LONP2: variants seen among roughly 807,000 people sequenced by gnomAD.
The protein encoded by LONP2 is lon protease homolog 2, peroxisomal.
In LONP2, 60 loss-of-function variants were observed where a neutral mutation model predicts 85.6. That is an observed-to-expected ratio of 0.70 (90% CI 0.57 to 0.87). LONP2 has a LOEUF of 0.87. Ranked by LOEUF, LONP2 falls within the 40% of genes least tolerant of loss-of-function variation. The pLI is 0.00. For missense variants in LONP2, 860 were observed against 1,063.5 expected, an observed-to-expected ratio of 0.81 and a Z score of 2.66; for synonymous variants, 395 against 389.7, an observed-to-expected ratio of 1.01 and a Z score of -0.16.
chr16:48,275,911 CTG>C (rs1030648827), intron 7 of LONP2, among the ~76,000 whole-genome samples: 110 of 152,174 alleles, frequency 7.2e-4, no homozygotes, highest in African/African-American at 2.5e-3. Context: ...TATTTTCTCT[CTG>C]TGACTTCAGG....
chr16:48,252,251 A>G lies in LONP2; in HGVS notation c.354A>G (p.Pro118=), dbSNP rs1242168561. 13 of 1,614,110 alleles carry G rather than the reference A, an allele frequency of 8.1e-6. No individual in the cohort carries two copies. In the African/African-American group the frequency reaches 1.2e-4, roughly 15 times the overall value. ...FQIVQVLKEK[P]YPIAEVEQLD... Reference sequence around the variant, plus strand: ...TTGTACAGGTCTTAAAAGAGAAGCCATATCCCATTGCTGAAGTGGAGCAGT... The same window carrying G: ...TTGTACAGGTCTTAAAAGAGAAGCCGTATCCCATTGCTGAAGTGGAGCAGT... Residue 118 remains proline, a synonymous_variant, in exon 2 of 15, where the codon CCA becomes CCG. Coordinates refer to ENST00000285737, the MANE Select transcript of LONP2 (RefSeq NM_031490.5).
intron 11 of LONP2, among the ~76,000 whole-genome samples, chr16:48,326,371 GA>G (rs1959238540): frequency 6.6e-6 from 1 of 152,150 alleles, no homozygotes; most frequent in Admixed American, 6.6e-5. Flanking sequence ...TGCTGTTTGT[GA>G]AAATGAACAC....
chr16:48,304,918 C>G (rs1237668626), intron 11 of LONP2, among the ~76,000 whole-genome samples: 1 of 152,176 alleles, frequency 6.6e-6, no homozygotes, highest in Non-Finnish European at 1.5e-5. Flanking sequence ...AGTTGGATGA[C>G]TGTGATTAAA....
chr16:48,351,983 G>C lies in LONP2; in HGVS notation c.*181G>C, dbSNP rs1960167371. On this transcript the variant is annotated 3_prime_UTR_variant, in exon 15 of 15. Transcript: ENST00000285737. ...TATAGAAATATAAGATGTTGATTTA[G>C]TAAACTGATAAAAATCGAATTCTTG... 2 of 599,768 alleles carry C rather than the reference G, an allele frequency of 3.3e-6. No individual in the cohort carries two copies. Among genetic ancestry groups the C allele is most frequent in the Non-Finnish European group, 5.9e-6 (2 of 341,566 alleles). The allele number at this position is 599,768 out of a possible 1,614,324, so 37.2% of individuals were successfully genotyped here.
At chr16:48,308,359 G>T (rs1273866173) in intron 11 of LONP2, among the ~76,000 whole-genome samples, 1 of 152,066 alleles carries the variant, frequency 6.6e-6, no homozygotes, top group Non-Finnish European at 1.5e-5. Flanking sequence ...AGGCTAGGTG[G>T]CTCACACCTG....
intron 12 of LONP2, among the ~76,000 whole-genome samples, chr16:48,341,261 C>G (rs1359507547): frequency 6.6e-6 from 1 of 152,106 alleles, no homozygotes; most frequent in Non-Finnish European, 1.5e-5. Context: ...GATCGTGCCA[C>G]TGCACTCCAG....
At chr16:48,346,431 T>TA (rs989834926) in intron 12 of LONP2, among the ~76,000 whole-genome samples, 1 of 152,170 alleles carries the variant, frequency 6.6e-6, no homozygotes, top group African/African-American at 2.4e-5. Context: ...ACTATGCTCC[T>TA]AGTCTCAGGT....
At chr16:48,338,399 A>G (rs549490829) in intron 12 of LONP2, among the ~76,000 whole-genome samples, 3 of 152,336 alleles carry the variant, frequency 2.0e-5, no homozygotes, top group South Asian at 2.1e-4. Flanking sequence ...TACTCTAGCT[A>G]TATCTGAGGT....
chr16:48,322,775 A>G (rs542333222), intron 11 of LONP2, among the ~76,000 whole-genome samples: 6 of 152,312 alleles, frequency 3.9e-5, no homozygotes, highest in Admixed American at 2.0e-4. Context: ...AACCAATAAC[A>G]TAGTCACTCA....
rs1960152536 is a variant in LONP2 at position 48,351,626 on chromosome 16, C to A, written c.2383C>A (p.Leu795Met). The A allele has an allele frequency of 6.2e-7, 1 of 1,614,056 alleles. No individual in the cohort carries two copies. Among genetic ancestry groups the A allele is most frequent in the East Asian group, 2.2e-5 (1 of 44,876 alleles). The change falls in exon 15 of 15, where the codon CTG becomes ATG. Residue 795 changes from leucine (L) to methionine (M), a missense_variant. Physicochemically the swap from Leu to Met is conservative, Grantham distance 15 (BLOSUM62 2). This residue lies in a region of LONP2 where 115 missense variants were observed against 129.0 expected (regional missense o/e 0.89). Transcript: ENST00000285737. ...AGTGCTGGCGGCACACAGAGCGGGA[C>A]TGAAGCAAGTCATTATTCCTCGGAG... ...DKVLAAHRAG[L>M]KQVIIPRRNE...
intron 6 of LONP2, among the ~76,000 whole-genome samples, chr16:48,265,025 A>G (rs992667760): frequency 3.0e-4 from 46 of 151,820 alleles, no homozygotes; most frequent in Admixed American, 3.0e-3. Flanking sequence ...TGTGGTTTTG[A>G]TTTGCATTTC....
intron 6 of LONP2, among the ~76,000 whole-genome samples, chr16:48,266,907 A>G (rs1972001626): frequency 6.6e-6 from 1 of 152,108 alleles, no homozygotes; most frequent in Non-Finnish European, 1.5e-5. Flanking sequence ...CATGAGTAAC[A>G]CAGGAAGACC....
chr16:48,247,398 GGCA>G (rs375339219), intron 1 of LONP2: 1 of 152,454 alleles, frequency 6.6e-6, no homozygotes, highest in African/African-American at 2.4e-5. Context: ...AGGTGACGCT[GGCA>G]CAGCCTTCAA....
intron 4 of LONP2, 147 bp downstream of exon 4, chr16:48,258,887 A>AT (rs564710457): frequency 1.3e-3 from 931 of 714,334 alleles, no homozygotes; most frequent in Non-Finnish European, 1.4e-3. Flanking sequence ...CTTTGCCTGG[A>AT]TTTTTTTTTA....
At chr16:48,300,714 T>G (rs1313947344) in intron 10 of LONP2, among the ~76,000 whole-genome samples, 1 of 152,228 alleles carries the variant, frequency 6.6e-6, no homozygotes, top group South Asian at 2.1e-4. Context: ...GGGTTCCTTT[T>G]CTTAATTTGT....
At chr16:48,308,145 T>C (rs1332702590) in intron 11 of LONP2, among the ~76,000 whole-genome samples, 1 of 151,986 alleles carries the variant, frequency 6.6e-6, no homozygotes, top group Non-Finnish European at 1.5e-5. Context: ...AATAGACACA[T>C]AGATCAATGG....
At position 48,351,725 on chromosome 16, in the gene LONP2, GATGAGGT is replaced by G. The variant is rs1960158146; in HGVS notation, c.2483_2489del (p.Asp828ValfsTer19). ...AAGTTTTGTCACAGCAAGCTGCCTG[GATGAGGT>G]TCTTAATGCAGCTTTTGATGGTGGC... On this transcript the variant is annotated frameshift_variant, in exon 15 of 15. Transcript: ENST00000285737. LOFTEE classifies it high-confidence loss of function. 2 of 1,614,180 alleles carry G rather than the reference GATGAGGT, an allele frequency of 1.2e-6. No individual in the cohort carries two copies. The highest frequency in any genetic ancestry group is 1.7e-6 in the Non-Finnish European group (2 of 1,180,034).
intron 8 of LONP2, 42 bp from the exon 9 acceptor site, chr16:48,295,973 G>C (rs890729429): frequency 6.3e-7 from 1 of 1,598,778 alleles, no homozygotes; most frequent in African/African-American, 1.3e-5. Context: ...GCCTTCTGTT[G>C]GCACTACTAA....
intron 12 of LONP2, among the ~76,000 whole-genome samples, chr16:48,339,073 G>GA (rs1219784208): frequency 6.6e-6 from 1 of 151,912 alleles, no homozygotes; most frequent in Admixed American, 6.6e-5. Flanking sequence ...CATCACCTAA[G>GA]AAAAAAGGAT....
Sources: allele counts gnomAD v4.1 joint callset (sites outside exome capture counted in the v4.1 genomes callset), GRCh38; gene constraint gnomAD v4.1.1; regional missense constraint gnomAD v4.1.1; transcripts MANE v1.5; gene names NCBI Gene and HGNC (gene_info 2026-07-23, HGNC 2026-07-21).